The following CASK variants were observed in gnomAD, a reference collection of about 807,000 sequenced individuals.
CASK encodes peripheral plasma membrane protein CASK.
Under a neutral mutation model 82.9 loss-of-function variants are expected in CASK, and 4 were observed. That is an observed-to-expected ratio of 0.05 (90% confidence interval 0.02 to 0.11). The LOEUF (loss-of-function observed/expected upper bound fraction) is 0.11, where lower values mean the gene tolerates loss of function less well. Ranked by LOEUF, CASK falls within the 10% of genes least tolerant of loss-of-function variation. CASK has a pLI of 1.00. For synonymous variants in CASK, 259 were observed against 253.5 expected, an observed-to-expected ratio of 1.02 and a Z score of -0.20; for missense variants, 358 against 720.9, an observed-to-expected ratio of 0.50 and a Z score of 5.76.
chrX:41,739,207 T>C (rs2147718362), intron 5 of CASK, among the ~76,000 whole-genome samples, 177 bp downstream of exon 5: 1 of 112,206 alleles, frequency 8.9e-6, no homozygotes, highest in South Asian at 3.7e-4. Context: ...GAAATTATAG[T>C]GTTCCTAGTA....
intron 3 of CASK, among the ~76,000 whole-genome samples, chrX:41,750,448 C>T (rs1192245099): frequency 2.7e-5 from 3 of 111,200 alleles, no homozygotes; most frequent in African/African-American, 9.8e-5. Flanking sequence ...GTCAAGAACC[C>T]CCAAAGAACA....
intron 22 of CASK, among the ~76,000 whole-genome samples, chrX:41,540,164 C>T (rs1372185599): frequency 1.8e-5 from 2 of 111,754 alleles, no homozygotes; most frequent in Admixed American, 1.9e-4. Flanking sequence ...CCCAGACGGC[C>T]GCTGGTTAGG....
chrX:41,627,192 C>T (rs1359088433), intron 9 of CASK, among the ~76,000 whole-genome samples: 2 of 110,137 alleles, frequency 1.8e-5, no homozygotes, highest in African/African-American at 6.6e-5. Flanking sequence ...ATCTTTTTTC[C>T]CTCTTTTTGT....
At chrX:41,821,284 A>G (rs1334949141) in intron 2 of CASK, among the ~76,000 whole-genome samples, 1 of 112,160 alleles carries the variant, frequency 8.9e-6, no homozygotes, top group Non-Finnish European at 1.9e-5. Context: ...AGATCTGAAG[A>G]TATACTTCAA....
chrX:41,668,381 C>T (rs1202641691), intron 6 of CASK, among the ~76,000 whole-genome samples: 1 of 112,050 alleles, frequency 8.9e-6, no homozygotes, highest in Non-Finnish European at 1.9e-5. Context: ...ATAGCATGTG[C>T]AAGGTATGAA....
Position 41,780,189 on chromosome X carries a change from G to A in CASK, c.278+6989C>T, listed in dbSNP as rs2069447446. Among the ~76,000 whole-genome samples, 3 of 111,978 alleles carry A rather than the reference G, an allele frequency of 2.7e-5. No homozygotes were observed. In the South Asian group the frequency reaches 1.1e-3, roughly 41 times the overall value. On this transcript the variant is annotated intron_variant, in intron 3 of 26. Coordinates refer to ENST00000378163, the MANE Select transcript of CASK (RefSeq NM_001367721.1). ...AAGACAAGCCCAAATGTGTCACTTA[G>A]AAATAAATATTTAACTTGTGGGGAT...
chrX:41,847,305 T>C (rs2071174836), intron 2 of CASK, among the ~76,000 whole-genome samples: 2 of 111,803 alleles, frequency 1.8e-5, no homozygotes, highest in Admixed American at 1.9e-4. Flanking sequence ...CATTCTTTTA[T>C]CTTTCAGTTC....
At chrX:41,617,978 G>A (rs1314451419) in intron 11 of CASK, among the ~76,000 whole-genome samples, 1 of 112,036 alleles carries the variant, frequency 8.9e-6, no homozygotes, top group African/African-American at 3.2e-5. Context: ...TCACCTCAGA[G>A]GGCAGTTGAT....
intron 2 of CASK, among the ~76,000 whole-genome samples, chrX:41,816,083 C>G (rs2070405176): frequency 9.0e-6 from 1 of 111,313 alleles, no homozygotes; most frequent in Non-Finnish European, 1.9e-5. Flanking sequence ...TAGTCTTGAG[C>G]TCAAGTGATC....
intron 5 of CASK, among the ~76,000 whole-genome samples, chrX:41,680,502 AAAAAT>A (rs1234683168): frequency 7.3e-5 from 8 of 110,150 alleles, no homozygotes; most frequent in East Asian, 5.6e-4. Context: ...TAATAAAAAT[AAAAAT>A]AAAATAAAAT....
At chrX:41,532,487 A>G (rs1174717377) in intron 24 of CASK, among the ~76,000 whole-genome samples, 1 of 111,950 alleles carries the variant, frequency 8.9e-6, no homozygotes, top group Non-Finnish European at 1.9e-5. Context: ...TAGGACCAGT[A>G]TCCTGCAAAA....
intron 8 of CASK, among the ~76,000 whole-genome samples, chrX:41,654,020 C>T (rs1269860542): frequency 8.9e-6 from 1 of 112,124 alleles, no homozygotes; most frequent in Non-Finnish European, 1.9e-5. Flanking sequence ...AAGTGGAGTA[C>T]CCCAGGTGAA....
intron 2 of CASK, 57 bp downstream of exon 2, chrX:41,853,058 T>G: frequency 2.4e-6 from 2 of 824,046 alleles, no homozygotes; most frequent in Non-Finnish European, 3.7e-6. Flanking sequence ...GGTAAATGGA[T>G]TTTGGAGATG....
chrX:41,526,075 T>C (rs140261717), intron 25 of CASK, among the ~76,000 whole-genome samples: 1 of 112,467 alleles, frequency 8.9e-6, no homozygotes, highest in Admixed American at 9.4e-5. Flanking sequence ...ACAAACATTA[T>C]GACAAAGTCC....
chrX:41,874,082 T>C (rs1159022808), intron 1 of CASK, among the ~76,000 whole-genome samples: 1 of 111,838 alleles, frequency 8.9e-6, no homozygotes, highest in Non-Finnish European at 1.9e-5. Flanking sequence ...TGAGCCACCA[T>C]GCCCAGCCAG....
chrX:41,743,751 G>T (rs1373920581), intron 4 of CASK: 8 of 295,279 alleles, frequency 2.7e-5, no homozygotes, highest in Non-Finnish European at 4.1e-5. Context: ...AATTGTAAAA[G>T]AAATGGTAAG....
chrX:41,732,775 C>T (rs1385507837), intron 5 of CASK, among the ~76,000 whole-genome samples: 1 of 107,114 alleles, frequency 9.3e-6, no homozygotes, highest in African/African-American at 3.4e-5. Flanking sequence ...CTGTTGCCCA[C>T]GCTGGAGTGC....
chrX:41,672,263 C>A (rs1020753522), intron 5 of CASK, among the ~76,000 whole-genome samples: 2 of 110,669 alleles, frequency 1.8e-5, no homozygotes, highest in African/African-American at 3.3e-5. Context: ...GACCAGGGCT[C>A]CTTTATATCA....
intron 1 of CASK, among the ~76,000 whole-genome samples, chrX:41,875,481 G>A (rs759542402): frequency 2.6e-4 from 29 of 111,325 alleles, no homozygotes; most frequent in Non-Finnish European, 5.3e-4. Context: ...ACAGCACTAT[G>A]GGGCCATTTC....
Sources: gnomAD v4.1 joint callset for allele counts (sites outside exome capture counted in the v4.1 genomes callset) on GRCh38, gnomAD v4.1.1 for gene constraint, MANE v1.5 for transcripts, NCBI Gene and HGNC (gene_info 2026-07-23, HGNC 2026-07-21) for gene names.